ADGRB3: variants seen among roughly 807,000 people sequenced by gnomAD.
ADGRB3 encodes the protein brain-specific angiogenesis inhibitor 3.
In ADGRB3, 37 loss-of-function variants were observed where a neutral mutation model predicts 193.4. That is an observed-to-expected ratio of 0.19 (90% confidence interval 0.15 to 0.25). The LOEUF is 0.25. ADGRB3 is among the 10% of genes least tolerant of loss of function. The pLI, the probability that ADGRB3 is intolerant of heterozygous loss-of-function variation, is 1.00. For synonymous variants in ADGRB3, 690 were observed against 644.2 expected (o/e 1.07, Z -1.08); for missense variants, 1,637 against 1,852.9 (o/e 0.88, Z 2.14).
chr6:68,927,712 G>A (rs1477532579), intron 3 of ADGRB3, among the ~76,000 whole-genome samples: 1 of 152,022 alleles, frequency 6.6e-6, no homozygotes, highest in Non-Finnish European at 1.5e-5. Flanking sequence ...AACAATGGAT[G>A]TGGAATATTC....
At chr6:69,210,118 ACACT>A (rs1379073842) in intron 17 of ADGRB3, among the ~76,000 whole-genome samples, 2 of 135,784 alleles carry the variant, frequency 1.5e-5, no homozygotes, top group Non-Finnish European at 3.1e-5. Flanking sequence ...ATACACACAC[ACACT>A]CATATATATC....
At chr6:69,383,872 T>G (rs2127240256) in intron 31 of ADGRB3, among the ~76,000 whole-genome samples, 1 of 152,096 alleles carries the variant, frequency 6.6e-6, no homozygotes. Context: ...TGCCTCATAC[T>G]CTTTGCGGCC....
chr6:69,175,369 A>T (rs62406812), intron 17 of ADGRB3, among the ~76,000 whole-genome samples: 21,544 of 152,198 alleles, frequency 0.14, 1,573 homozygotes, highest in Middle Eastern at 0.16. Context: ...CTAACCAGCC[A>T]TCCCAGCACT....
At chr6:69,227,998 G>A (rs1367092565) in intron 17 of ADGRB3, among the ~76,000 whole-genome samples, 2 of 152,220 alleles carry the variant, frequency 1.3e-5, no homozygotes, top group Non-Finnish European at 2.9e-5. Context: ...GCTCACACCT[G>A]TAATCCCAGC....
At chr6:69,131,068 A>T (rs1226929422) in intron 17 of ADGRB3, among the ~76,000 whole-genome samples, 1 of 152,158 alleles carries the variant, frequency 6.6e-6, no homozygotes, top group Admixed American at 6.6e-5. Flanking sequence ...TGAACTTCAA[A>T]TGTTGGAATA....
intron 17 of ADGRB3, among the ~76,000 whole-genome samples, chr6:69,205,322 T>C (rs992073233): frequency 9.2e-5 from 14 of 152,036 alleles, no homozygotes; most frequent in African/African-American, 2.7e-4. Flanking sequence ...ATCATCATGC[T>C]CAGTTATACT....
Position 68,792,791 on chromosome 6 carries a change from C to A in ADGRB3, c.758-137768C>A, listed in dbSNP as rs139755931. ...CTTATTTTTTATCAACAGTAAACAG[C>A]CTTCCCGCCGATGTCCCCAACTCTT... On this transcript the variant is annotated intron_variant, in intron 3 of 31. Coordinates refer to ENST00000370598, the MANE Select transcript of ADGRB3 (RefSeq NM_001704.3). Among the ~76,000 whole-genome samples the A allele has an allele frequency of 4.6e-4, 70 of 152,182 alleles. No homozygotes were observed. In the East Asian group the frequency reaches 0.012, roughly 27 times the overall value.
At chr6:68,945,682 A>G (rs1476619241) in intron 6 of ADGRB3, among the ~76,000 whole-genome samples, 1 of 152,154 alleles carries the variant, frequency 6.6e-6, no homozygotes, top group Non-Finnish European at 1.5e-5. Context: ...GACTTCATAA[A>G]TACAAACATA....
At chr6:69,195,212 G>A (rs1178337606) in intron 17 of ADGRB3, among the ~76,000 whole-genome samples, 2 of 151,980 alleles carry the variant, frequency 1.3e-5, no homozygotes, top group African/African-American at 4.8e-5. Context: ...TGTACCAATT[G>A]CAGATACTAC....
intron 3 of ADGRB3, among the ~76,000 whole-genome samples, chr6:68,716,560 C>A (rs1470806348): frequency 6.6e-6 from 1 of 150,884 alleles, no homozygotes; most frequent in Non-Finnish European, 1.5e-5. Flanking sequence ...CTCAGAGCAA[C>A]CCACAGAGCT....
intron 11 of ADGRB3, among the ~76,000 whole-genome samples, chr6:69,006,760 G>T (rs1031461653): frequency 3.3e-5 from 5 of 151,906 alleles, no homozygotes; most frequent in African/African-American, 9.7e-5. Flanking sequence ...CACCCACCTA[G>T]GCTTTCCAAA....
In ADGRB3 at chr6:68,674,516, C is replaced by A. The variant is rs372752312; in HGVS notation, c.757+35084C>A. Among the ~76,000 whole-genome samples the A allele has an allele frequency of 1.3e-3, 201 of 152,106 alleles. 2 individuals are homozygous for A. Among genetic ancestry groups the A allele is most frequent in the African/African-American group, 4.5e-3 (188 of 41,482 alleles). ...TTACCACTTATTAGGCGTGACAAAG[C>A]AAATACAAAGGAAATGTTAGAAGAA... is the stretch of plus-strand genomic sequence containing the variant. On this transcript the variant is annotated intron_variant, in intron 3 of 31. Coordinates refer to ENST00000370598, the MANE Select transcript of ADGRB3 (RefSeq NM_001704.3).
At chr6:68,878,571 C>G (rs762536034) in intron 3 of ADGRB3, among the ~76,000 whole-genome samples, 8 of 152,168 alleles carry the variant, frequency 5.3e-5, no homozygotes, top group Non-Finnish European at 1.2e-4. Context: ...AACATCCTTT[C>G]CCTATAGAGA....
At chr6:69,168,662 T>G (rs966408647) in intron 17 of ADGRB3, among the ~76,000 whole-genome samples, 1 of 152,080 alleles carries the variant, frequency 6.6e-6, no homozygotes, top group African/African-American at 2.4e-5. Context: ...TTAAATTAAT[T>G]TAAAATTTAA....
At chr6:68,642,267 A>G (rs1194015395) in intron 3 of ADGRB3, among the ~76,000 whole-genome samples, 1 of 152,158 alleles carries the variant, frequency 6.6e-6, no homozygotes, top group African/African-American at 2.4e-5. Flanking sequence ...ATGTGATTCC[A>G]GATTGTTTTG....
At chr6:69,133,265 G>A (rs1774063755) in intron 17 of ADGRB3, among the ~76,000 whole-genome samples, 1 of 152,102 alleles carries the variant, frequency 6.6e-6, no homozygotes, top group Admixed American at 6.6e-5. Context: ...AGCATGGAAT[G>A]TTTTTCCATT....
chr6:68,944,714 A>G lies in ADGRB3; in HGVS notation c.1195+720A>G, dbSNP rs114241197. Among the ~76,000 whole-genome samples, 258 of 152,302 alleles carry G rather than the reference A, an allele frequency of 1.7e-3. 1 individual carries two copies. Among genetic ancestry groups the G allele is most frequent in the Middle Eastern group, 6.8e-3 (2 of 294 alleles). On this transcript the variant is annotated intron_variant, in intron 6 of 31. Transcript: ENST00000370598. ...TTCCAACATCAAACAAATTCCTCCA[A>G]AATAAATAAGAATAATGTCCAGCTT...
intron 3 of ADGRB3, among the ~76,000 whole-genome samples, chr6:68,725,761 C>G (rs1765661592): frequency 6.6e-6 from 1 of 151,496 alleles, no homozygotes; most frequent in Admixed American, 6.6e-5. Context: ...GGTTGTGATT[C>G]TGAGGGTGGA....
chr6:68,859,892 A>G (rs1038801757), intron 3 of ADGRB3, among the ~76,000 whole-genome samples: 1 of 152,216 alleles, frequency 6.6e-6, no homozygotes, highest in African/African-American at 2.4e-5. Flanking sequence ...TGTTGTTTAC[A>G]TAGATAATAT....
Sources: gnomAD v4.1 joint callset for allele counts (sites outside exome capture counted in the v4.1 genomes callset) on GRCh38, gnomAD v4.1.1 for gene constraint, MANE v1.5 for transcripts, NCBI Gene and HGNC (gene_info 2026-07-23, HGNC 2026-07-21) for gene names.